The following PCDHA9 variants were observed in gnomAD, a reference collection of about 807,000 sequenced individuals.
PCDHA9 encodes protocadherin alpha-9.
PCDHA9 carries 62 observed loss-of-function variants against 62.0 expected under a neutral mutation model. The ratio of observed to expected loss-of-function variants is 1.00; its 90% CI spans 0.81 to 1.23. The LOEUF is 1.23. Ranked by LOEUF, PCDHA9 falls within the 50% of genes most tolerant of loss-of-function variation. PCDHA9 has a pLI of 0.00. For synonymous variants in PCDHA9, 557 were observed against 567.6 expected (o/e 0.98, Z 0.27); for missense variants, 1,205 against 1,249.8 (o/e 0.96, Z 0.54).
intron 2 of PCDHA9, among the ~76,000 whole-genome samples, chr5:140,981,165 T>C (rs1411910974): frequency 6.6e-6 from 1 of 152,250 alleles, no homozygotes; most frequent in Non-Finnish European, 1.5e-5. Flanking sequence ...ATATGTTGCC[T>C]TCCCTCTAAT....
intron 1 of PCDHA9, among the ~76,000 whole-genome samples, chr5:140,910,040 G>C (rs552041915): frequency 1.3e-5 from 2 of 152,276 alleles, no homozygotes; most frequent in South Asian, 4.2e-4. Context: ...AATCCCACTT[G>C]GTCATAATAA....
chr5:140,968,818 T>A, intron 1 of PCDHA9: 1 of 1,614,188 alleles, frequency 6.2e-7, no homozygotes, highest in South Asian at 1.1e-5. Context: ...TGGATAGGGT[T>A]TCCAAAATCC....
At chr5:140,912,410 T>C (rs2075912290) in intron 1 of PCDHA9, among the ~76,000 whole-genome samples, 1 of 152,090 alleles carries the variant, frequency 6.6e-6, no homozygotes, top group Non-Finnish European at 1.5e-5. Context: ...AGCTTGGTTA[T>C]TATTGGTGTA....
At chr5:140,979,937 A>G (rs563499415) in intron 2 of PCDHA9, among the ~76,000 whole-genome samples, 1 of 152,388 alleles carries the variant, frequency 6.6e-6, no homozygotes, top group African/African-American at 2.4e-5. Context: ...GTATGTGTAG[A>G]GTTAATGTGA....
intron 1 of PCDHA9, chr5:140,882,640 G>C (rs1330929245): frequency 1.2e-6 from 2 of 1,614,068 alleles, no homozygotes; most frequent in Admixed American, 3.3e-5. Context: ...TGAAGGTGAG[G>C]GACATTAACG....
chr5:140,968,293 G>A, intron 1 of PCDHA9: 1 of 1,613,962 alleles, frequency 6.2e-7, no homozygotes, highest in South Asian at 1.1e-5. Flanking sequence ...ACTCCCTTCT[G>A]GAGAGGGAGA....
intron 3 of PCDHA9, among the ~76,000 whole-genome samples, chr5:140,983,739 G>T (rs983923811): frequency 5.3e-5 from 8 of 152,194 alleles, no homozygotes; most frequent in African/African-American, 1.9e-4. Context: ...TGGCTGGCTT[G>T]CAATAATCCA....
At chr5:140,959,407 G>A (rs1449444307) in intron 1 of PCDHA9, among the ~76,000 whole-genome samples, 3 of 152,052 alleles carry the variant, frequency 2.0e-5, no homozygotes, top group African/African-American at 7.2e-5. Flanking sequence ...ATAAAGTGTT[G>A]ATTGATCTGA....
At chr5:140,882,294 C>T (rs1554173437) in intron 1 of PCDHA9, 1 of 1,613,662 alleles carries the variant, frequency 6.2e-7, no homozygotes. Flanking sequence ...CAAGGAGGCC[C>T]AAGACCGCGG....
chr5:140,928,814 A>G, intron 1 of PCDHA9: 1 of 1,614,150 alleles, frequency 6.2e-7, no homozygotes, highest in East Asian at 2.2e-5. Context: ...GTTCGGGACC[A>G]TGGAGACCCA....
At chr5:141,007,991 A>G (rs1276879326) in intron 3 of PCDHA9, among the ~76,000 whole-genome samples, 1 of 152,234 alleles carries the variant, frequency 6.6e-6, no homozygotes, top group Non-Finnish European at 1.5e-5. Context: ...TATGAAATGT[A>G]CATGTTAATA....
chr5:140,997,380 C>T (rs1554255860), intron 3 of PCDHA9, among the ~76,000 whole-genome samples: 1 of 152,112 alleles, frequency 6.6e-6, no homozygotes. Flanking sequence ...ATATAGCATA[C>T]TACACACTTA....
chr5:140,911,052 G>T (rs1172408042), intron 1 of PCDHA9, among the ~76,000 whole-genome samples: 1 of 152,044 alleles, frequency 6.6e-6, no homozygotes, highest in Non-Finnish European at 1.5e-5. Context: ...AGGGGTGGTG[G>T]GGGGTGGGTC....
intron 1 of PCDHA9, chr5:140,877,451 C>G (rs782361627): frequency 6.2e-7 from 1 of 1,613,790 alleles, no homozygotes; most frequent in East Asian, 2.2e-5. Flanking sequence ...CCCGCGCTGA[C>G]GTCCACGGCC....
rs782065685 is a variant in PCDHA9, at chr5:140,870,421, G to T, written c.2394+19532G>T. 9.3e-6 allele frequency: 15 copies of T among 1,614,096 alleles called. No individual in the cohort carries two copies. The highest frequency in any genetic ancestry group is 1.3e-5 in the Non-Finnish European group (15 of 1,180,046). On this transcript the variant is annotated intron_variant, in intron 1 of 3. Coordinates refer to ENST00000532602, the MANE Select transcript of PCDHA9 (RefSeq NM_031857.2). ...GCCTTCTCTGTGGGCCACGGCCAGG[G>T]TATCCGTGGAGGTGGCCGACGTGAA...
chr5:140,898,999 A>G (rs2067088188), intron 1 of PCDHA9, among the ~76,000 whole-genome samples: 2 of 151,690 alleles, frequency 1.3e-5, no homozygotes, highest in African/African-American at 4.8e-5. Context: ...TTTGTCTGTT[A>G]TTGGTGTATA....
At chr5:140,951,967 C>A (rs2094665815) in intron 1 of PCDHA9, among the ~76,000 whole-genome samples, 1 of 152,166 alleles carries the variant, frequency 6.6e-6, no homozygotes, top group South Asian at 2.1e-4. Context: ...GTAAATACTC[C>A]TGTTCCAAAA....
intron 3 of PCDHA9, among the ~76,000 whole-genome samples, chr5:141,007,302 G>A (rs1211833053): frequency 6.7e-6 from 1 of 150,298 alleles, no homozygotes; most frequent in Non-Finnish European, 1.5e-5. Context: ...TGTAATCTTA[G>A]CATTTTGGGA....
At chr5:140,952,088 A>G (rs2094684736) in intron 1 of PCDHA9, among the ~76,000 whole-genome samples, 1 of 152,154 alleles carries the variant, frequency 6.6e-6, no homozygotes, top group South Asian at 2.1e-4. Flanking sequence ...TCCATGTCTC[A>G]CATCCAGGGC....
Sources: allele counts gnomAD v4.1 joint callset (sites outside exome capture counted in the v4.1 genomes callset), GRCh38; gene constraint gnomAD v4.1.1; transcripts MANE v1.5; gene names NCBI Gene and HGNC (gene_info 2026-07-23, HGNC 2026-07-21).